The following CADPS variants were observed in gnomAD, a reference collection of about 807,000 sequenced individuals.
CADPS encodes calcium dependent secretion activator.
In CADPS, 57 loss-of-function variants were observed where a neutral mutation model predicts 167.3. The ratio of observed to expected loss-of-function variants is 0.34; its 90% CI spans 0.28 to 0.42. The LOEUF is 0.42. Ranked by LOEUF, CADPS falls within the 20% of genes least tolerant of loss-of-function variation. The probability of loss-of-function intolerance (pLI) is 1.00; values close to 1 mark genes in which losing one functional copy is unlikely to be tolerated. For missense variants in CADPS, 1,414 were observed against 1,738.1 expected, an observed-to-expected ratio of 0.81 and a Z score of 3.32; for synonymous variants, 676 against 635.3, an observed-to-expected ratio of 1.06 and a Z score of -0.96.
chr3:62,699,076 G>A (rs1391738415), intron 3 of CADPS, among the ~76,000 whole-genome samples: 2 of 151,962 alleles, frequency 1.3e-5, no homozygotes, highest in East Asian at 3.9e-4. Flanking sequence ...CCCAAGCATT[G>A]TACACTGTAC....
rs1371714087 is a variant in CADPS at position 62,602,070 on chromosome 3, AT to A, written c.1326-9323del. ...AATACACACAGTAATTTTCATTAGA[AT>A]TTTTCCCCCCATGAACAAAAAACAA... is the stretch of plus-strand genomic sequence containing the variant. On this transcript the variant is annotated intron_variant, in intron 6 of 29. Transcript: ENST00000383710. This position sits in a 1 kb window ranked among gnomAD's most constrained non-coding sequence, Gnocchi z 4.4. Among the ~76,000 whole-genome samples the A allele has an allele frequency of 1.3e-5, 2 of 152,102 alleles. No individual in the cohort carries two copies. The highest frequency in any genetic ancestry group is 4.8e-5 in the African/African-American group (2 of 41,412).
chr3:62,547,534 T>A (rs1250637282), intron 11 of CADPS, among the ~76,000 whole-genome samples: 1 of 145,318 alleles, frequency 6.9e-6, no homozygotes, highest in Non-Finnish European at 1.5e-5. Flanking sequence ...TCTGGTTTTC[T>A]CACTCATTTC....
intron 1 of CADPS, among the ~76,000 whole-genome samples, chr3:62,862,304 C>T (rs1446719530): frequency 6.6e-6 from 1 of 151,370 alleles, no homozygotes; most frequent in African/African-American, 2.4e-5. Context: ...GCAACCTCCG[C>T]CTCCCGGGTT....
intron 19 of CADPS, 34 bp from the exon 20 acceptor site, chr3:62,492,480 A>C: frequency 6.2e-7 from 1 of 1,600,964 alleles, no homozygotes; most frequent in South Asian, 1.1e-5. Context: ...ATAGACAAAG[A>C]AGTGATGAGC....
At chr3:62,542,873 T>C (rs2152117492) in intron 11 of CADPS, among the ~76,000 whole-genome samples, 1 of 152,308 alleles carries the variant, frequency 6.6e-6, no homozygotes, top group East Asian at 1.9e-4. Flanking sequence ...AATAAATAAA[T>C]GATTTTAGTT....
At chr3:62,589,567 G>A (rs2085450674) in intron 7 of CADPS, among the ~76,000 whole-genome samples, 1 of 152,218 alleles carries the variant, frequency 6.6e-6, no homozygotes, top group Non-Finnish European at 1.5e-5. Flanking sequence ...TGAAGTAACT[G>A]AACCCTCTGG....
At position 62,544,937 on chromosome 3, in the gene CADPS, A is replaced by G; in HGVS notation, c.1966+4966T>C. 1.2e-6 allele frequency: 1 copy of G among 826,800 alleles called. No individual in the cohort carries two copies. The highest frequency in any genetic ancestry group is 1.6e-6 in the Non-Finnish European group (1 of 627,306). 51.2% of individuals were successfully genotyped at this position (826,800 alleles called of 1,614,324 possible). A position where few individuals can be genotyped will look rare whatever the true frequency, so the allele number is the denominator to read the frequency against. On this transcript the variant is annotated intron_variant, in intron 11 of 29. Coordinates refer to ENST00000383710, the MANE Select transcript of CADPS (RefSeq NM_003716.4). This position sits in a 1 kb window ranked among gnomAD's most constrained non-coding sequence, Gnocchi z 4.4. ...AACAAGGCTCAGGAAAGCAGACAGG[A>G]GTTCTAACCTAGCAGCCTAAGTTCT... is the stretch of plus-strand genomic sequence containing the variant.
chr3:62,400,935 A>T (rs148193366), intron 29 of CADPS, among the ~76,000 whole-genome samples: 2 of 152,178 alleles, frequency 1.3e-5, no homozygotes, highest in Admixed American at 6.5e-5. Context: ...TAATGCGGTC[A>T]TGATAGCAAC....
At chr3:62,638,107 A>ATATATATATATATATG (rs1579348080) in intron 6 of CADPS, among the ~76,000 whole-genome samples, 1 of 150,334 alleles carries the variant, frequency 6.7e-6, no homozygotes, top group African/African-American at 2.5e-5. Context: ...ATATATATAT[A>ATATATATATATATATG]GCAATTAATT....
rs561244115 is a variant in CADPS, at chr3:62,707,989, G to A, written c.888+45452C>T. The stretch of plus-strand genomic sequence containing the variant: ...TGTCCAGACTGGAGTGCAGTGGCAT[G>A]ATCTTGGCTCACTTCAACCTCTGCC... On this transcript the variant is annotated intron_variant, in intron 3 of 29. Transcript: ENST00000383710. 1.0e-3 allele frequency among the ~76,000 whole-genome samples: 159 copies of A among 152,086 alleles called. 1 individual carries two copies. Among genetic ancestry groups the A allele is most frequent in the Non-Finnish European group, 1.6e-3 (111 of 68,042 alleles).
chr3:62,591,365 T>G (rs1026250600), intron 7 of CADPS, among the ~76,000 whole-genome samples: 1 of 152,192 alleles, frequency 6.6e-6, no homozygotes, highest in Non-Finnish European at 1.5e-5. Context: ...TGAAGGGGAC[T>G]GAGCTGTCAG....
intron 28 of CADPS, among the ~76,000 whole-genome samples, chr3:62,428,333 T>C (rs914714583): frequency 1.6e-5 from 2 of 121,252 alleles, no homozygotes; most frequent in Non-Finnish European, 3.3e-5. Context: ...TTTTTTTAAA[T>C]TGAGGTCCGG....
At chr3:62,663,017 G>T (rs775237198) in intron 3 of CADPS, among the ~76,000 whole-genome samples, 4 of 152,156 alleles carry the variant, frequency 2.6e-5, no homozygotes, top group African/African-American at 9.7e-5. Flanking sequence ...AATAAGCCTG[G>T]ACAATTCCCT....
At chr3:62,634,267 T>A (rs1031701685) in intron 6 of CADPS, among the ~76,000 whole-genome samples, 5 of 152,218 alleles carry the variant, frequency 3.3e-5, no homozygotes, top group Non-Finnish European at 7.3e-5. Context: ...GGCTCAGAAG[T>A]GATATAATGT....
chr3:62,405,184 C>T (rs1047465513), intron 28 of CADPS, among the ~76,000 whole-genome samples: 4 of 150,900 alleles, frequency 2.7e-5, no homozygotes, highest in Non-Finnish European at 5.9e-5. Context: ...TATGATGAAC[C>T]TCCCCTTACC....
At chr3:62,809,327 A>G (rs544951944) in intron 1 of CADPS, among the ~76,000 whole-genome samples, 2 of 152,304 alleles carry the variant, frequency 1.3e-5, no homozygotes, top group South Asian at 2.1e-4. Flanking sequence ...AATACCCACA[A>G]GAGCAAACCC....
At chr3:62,511,316 C>A (rs148326295) in intron 17 of CADPS, among the ~76,000 whole-genome samples, 211 of 152,232 alleles carry the variant, frequency 1.4e-3, no homozygotes, top group Non-Finnish European at 2.3e-3. Context: ...TTTGCAGCTA[C>A]GTTGAATTAA....
intron 24 of CADPS, among the ~76,000 whole-genome samples, chr3:62,472,963 T>A (rs1259388283): frequency 6.6e-6 from 1 of 152,200 alleles, no homozygotes; most frequent in Non-Finnish European, 1.5e-5. Flanking sequence ...CCACGGAACT[T>A]GTCAGAAATG....
At chr3:62,546,816 T>C (rs1448357211) in intron 11 of CADPS, among the ~76,000 whole-genome samples, 1 of 152,116 alleles carries the variant, frequency 6.6e-6, no homozygotes, top group Non-Finnish European at 1.5e-5. Flanking sequence ...GAAAATACCA[T>C]GCCATTTTAT....
Sources: gnomAD v4.1 joint callset for allele counts (sites outside exome capture counted in the v4.1 genomes callset) on GRCh38, gnomAD v4.1.1 for gene constraint, Gnocchi (gnomAD v3.1) non-coding constraint, MANE v1.5 for transcripts, NCBI Gene and HGNC (gene_info 2026-07-23, HGNC 2026-07-21) for gene names.